BMP7: variants seen among roughly 807,000 people sequenced by gnomAD.
BMP7 encodes bone morphogenetic protein 7.
A neutral mutation model predicts 41.2 loss-of-function variants in BMP7; 12 were observed. That is an observed-to-expected ratio of 0.29 (90% CI 0.19 to 0.47). The LOEUF is 0.47. BMP7 is among the 20% of genes least tolerant of loss of function. The pLI is 0.99. For missense variants in BMP7, 467 were observed against 606.0 expected, an observed-to-expected ratio of 0.77 and a Z score of 2.41; for synonymous variants, 248 against 250.0, an observed-to-expected ratio of 0.99 and a Z score of 0.07.
At position 57,202,518 on chromosome 20, in the gene BMP7, C is replaced by A; in HGVS notation, c.717G>T (p.Pro239=). The part of the protein sequence containing the change: ...TATSNHWVVN[P]RHNLGLQLSV... The stretch of plus-strand genomic sequence containing the variant: ...AGAGCTGCAGGCCCAGGTTGTGCCG[C>A]GGATTGACCACCCAGTGGTTGCTGG... Residue 239 remains proline, a synonymous_variant, in exon 3 of 7, where the codon CCG becomes CCT. Coordinates refer to ENST00000395863, the MANE Select transcript of BMP7 (RefSeq NM_001719.3). 3.7e-6 allele frequency: 6 copies of A among 1,609,860 alleles called. No individual in the cohort carries two copies. The highest frequency in any genetic ancestry group is 5.1e-6 in the Non-Finnish European group (6 of 1,179,906).
chr20:57,193,720 A>C (rs1382539834), intron 3 of BMP7, among the ~76,000 whole-genome samples: 1 of 152,188 alleles, frequency 6.6e-6, no homozygotes, highest in Admixed American at 6.5e-5. Flanking sequence ...ATAATGAGAG[A>C]CATCATGTGC....
At position 57,214,027 on chromosome 20, in the gene BMP7, C is replaced by G. The variant is rs138485014; in HGVS notation, c.612-11404G>C. On this transcript the variant is annotated intron_variant, in intron 2 of 6. Transcript: ENST00000395863. This position sits in a 1 kb window ranked among gnomAD's most constrained non-coding sequence, Gnocchi z 4.0. ...CTGCCTTGGCTCTAAAGTAAGATCA[C>G]AGCTGCAGTGAGCTGACCCCAACTC... Among the ~76,000 whole-genome samples the G allele has an allele frequency of 1.0e-3, 153 of 152,348 alleles. No homozygotes were observed. Among genetic ancestry groups the G allele is most frequent in the Non-Finnish European group, 1.8e-3 (125 of 68,028 alleles).
intron 3 of BMP7, among the ~76,000 whole-genome samples, chr20:57,194,702 C>T (rs1429243262): frequency 2.0e-5 from 3 of 152,236 alleles, no homozygotes; most frequent in Non-Finnish European, 2.9e-5. Context: ...AAGCCCGTTC[C>T]ATGCATCGCT....
At chr20:57,237,561 C>T (rs922854357) in intron 1 of BMP7, among the ~76,000 whole-genome samples, 2 of 152,174 alleles carry the variant, frequency 1.3e-5, no homozygotes, top group African/African-American at 2.4e-5. Context: ...TTGAAAAAGC[C>T]GCCAGAGGCA....
chr20:57,257,839 A>C (rs1478285246), intron 1 of BMP7, among the ~76,000 whole-genome samples: 5 of 151,958 alleles, frequency 3.3e-5, no homozygotes, highest in Non-Finnish European at 7.4e-5. Context: ...AAAAAAAAAA[A>C]AAAAAACTTG....
intron 2 of BMP7, among the ~76,000 whole-genome samples, chr20:57,225,036 C>T (rs1985276930): frequency 6.6e-6 from 1 of 152,204 alleles, no homozygotes; most frequent in Non-Finnish European, 1.5e-5. Flanking sequence ...ATGTCCCAGC[C>T]CTGCACAGCT....
At chr20:57,247,210 T>G (rs1417192156) in intron 1 of BMP7, among the ~76,000 whole-genome samples, 2 of 152,202 alleles carry the variant, frequency 1.3e-5, no homozygotes, top group African/African-American at 2.4e-5. Flanking sequence ...TGAGTGAACA[T>G]GTGATTCAAA....
intron 2 of BMP7, among the ~76,000 whole-genome samples, chr20:57,219,388 C>T (rs547634475): frequency 1.1e-5 from 1 of 88,856 alleles, no homozygotes; most frequent in South Asian, 3.1e-4. Context: ...CCCAGAGGTA[C>T]TTGACATCCC....
chr20:57,196,385 G>A (rs1205626479), intron 3 of BMP7, among the ~76,000 whole-genome samples: 1 of 152,116 alleles, frequency 6.6e-6, no homozygotes, highest in Non-Finnish European at 1.5e-5. Context: ...GTTCCTGGTC[G>A]GACTCCTCCT....
intron 2 of BMP7, among the ~76,000 whole-genome samples, chr20:57,221,980 G>A (rs1378238722): frequency 3.3e-5 from 5 of 152,140 alleles, no homozygotes; most frequent in African/African-American, 1.2e-4. Context: ...AGTGTCATGG[G>A]AGAGAGGAGG....
chr20:57,195,920 T>A (rs115905937), intron 3 of BMP7, among the ~76,000 whole-genome samples: 3,175 of 151,924 alleles, frequency 0.021, 122 homozygotes, highest in African/African-American at 0.072. Flanking sequence ...GGGAGAGAGG[T>A]GCCCTATGAC....
chr20:57,207,212 A>G (rs907498206), intron 2 of BMP7, among the ~76,000 whole-genome samples: 1 of 152,202 alleles, frequency 6.6e-6, no homozygotes, highest in Non-Finnish European at 1.5e-5. Flanking sequence ...GAATCGAGAA[A>G]TCTGACTACA....
chr20:57,219,980 C>G (rs548600261), intron 2 of BMP7, among the ~76,000 whole-genome samples: 68 of 152,278 alleles, frequency 4.5e-4, no homozygotes, highest in African/African-American at 1.6e-3. Context: ...ATTTAGAGAC[C>G]TGTACCAAGG....
chr20:57,235,129 G>A (rs1251044749), intron 1 of BMP7, among the ~76,000 whole-genome samples: 2 of 152,254 alleles, frequency 1.3e-5, no homozygotes, highest in African/African-American at 2.4e-5. Flanking sequence ...AATCACAGAT[G>A]TGTTCTCTTC....
At position 57,224,403 on chromosome 20, in the gene BMP7, C is replaced by T. The variant is rs1985260627; in HGVS notation, c.611+3826G>A. Among the ~76,000 whole-genome samples the T allele has an allele frequency of 6.6e-6, 1 of 152,200 alleles. No individual in the cohort carries two copies. Among genetic ancestry groups the T allele is most frequent in the Non-Finnish European group, 1.5e-5 (1 of 68,034 alleles). The stretch of plus-strand genomic sequence containing the variant: ...GGCCTCCCAGGGAGGTTCTCAGAGG[C>T]CAGCTCCCAAAGCAGAAGTGTGTCG... On this transcript the variant is annotated intron_variant, in intron 2 of 6. Transcript: ENST00000395863. The surrounding 1 kb of genome is among the most constrained non-coding windows in gnomAD (Gnocchi z 4.8).
At chr20:57,240,078 G>GA (rs2066063183) in intron 1 of BMP7, among the ~76,000 whole-genome samples, 1 of 152,204 alleles carries the variant, frequency 6.6e-6, no homozygotes, top group South Asian at 2.1e-4. Flanking sequence ...TTTCTCCCCA[G>GA]AAAATGGATT....
At position 57,213,652 on chromosome 20, in the gene BMP7, A is replaced by G. The variant is rs577224271; in HGVS notation, c.612-11029T>C. Among the ~76,000 whole-genome samples the G allele has an allele frequency of 1.4e-4, 21 of 152,310 alleles. No individual in the cohort carries two copies. The highest frequency in any genetic ancestry group is 5.1e-4 in the African/African-American group (21 of 41,572). The stretch of plus-strand genomic sequence containing the variant: ...GCTCTCCCTCATTAGAGACACAGCC[A>G]CCAGCAGAGACAATCAGGGGGTGAG... On this transcript the variant is annotated intron_variant, in intron 2 of 6. Coordinates refer to ENST00000395863, the MANE Select transcript of BMP7 (RefSeq NM_001719.3). The surrounding 1 kb of genome is among the most constrained non-coding windows in gnomAD (Gnocchi z 4.4).
chr20:57,252,147 A>G (rs1255182199), intron 1 of BMP7, among the ~76,000 whole-genome samples: 2 of 152,230 alleles, frequency 1.3e-5, no homozygotes, highest in African/African-American at 4.8e-5. Flanking sequence ...GTAAGTGGAT[A>G]GATGTGTTCC....
At position 57,169,058 on chromosome 20, in the gene BMP7, C is replaced by T. The variant is rs1368152953; in HGVS notation, c.*1901G>A. The T allele has an allele frequency of 6.6e-6, 1 of 152,090 alleles. No homozygotes were observed. Among genetic ancestry groups the T allele is most frequent in the African/African-American group, 2.4e-5 (1 of 41,382 alleles). 9.4% of individuals were successfully genotyped at this position (152,090 alleles called of 1,614,324 possible). A position where few individuals can be genotyped will look rare whatever the true frequency, so the allele number is the denominator to read the frequency against. ...GATGCTAACCAGAGGCTGGTTGGGT[C>T]AGAAAACTCACACCAAGAGGGATCA... On this transcript the variant is annotated 3_prime_UTR_variant, in exon 7 of 7. Coordinates refer to ENST00000395863, the MANE Select transcript of BMP7 (RefSeq NM_001719.3).
Sources: gnomAD v4.1 joint callset for allele counts (sites outside exome capture counted in the v4.1 genomes callset) on GRCh38, gnomAD v4.1.1 for gene constraint, Gnocchi (gnomAD v3.1) non-coding constraint, MANE v1.5 for transcripts, NCBI Gene and HGNC (gene_info 2026-07-23, HGNC 2026-07-21) for gene names.